ARHGAP42: variants seen among roughly 807,000 people sequenced by gnomAD.
ARHGAP42 encodes the protein Rho GTPase activating protein 42.
A neutral mutation model predicts 125.0 loss-of-function variants in ARHGAP42; 63 were observed. The ratio of observed to expected loss-of-function variants is 0.50; its 90% CI spans 0.41 to 0.62. The LOEUF (loss-of-function observed/expected upper bound fraction) is 0.62. ARHGAP42 is among the 20% of genes least tolerant of loss of function. The probability of loss-of-function intolerance (pLI) is 0.00; values close to 1 mark genes in which losing one functional copy is unlikely to be tolerated. For missense variants in ARHGAP42, 766 were observed against 1,024.2 expected (o/e 0.75, Z 3.44); for synonymous variants, 339 against 351.0 (o/e 0.97, Z 0.38).
intron 1 of ARHGAP42, among the ~76,000 whole-genome samples, chr11:100,699,231 T>C (rs1000711116): frequency 4.6e-5 from 7 of 151,920 alleles, no homozygotes; most frequent in African/African-American, 1.7e-4. Flanking sequence ...AATAAGTTTT[T>C]CTTTTCCTCC....
At chr11:100,911,908 T>TC in intron 4 of ARHGAP42, among the ~76,000 whole-genome samples, 1 of 152,232 alleles carries the variant, frequency 6.6e-6, no homozygotes, top group Non-Finnish European at 1.5e-5. Flanking sequence ...TTTATTCCCT[T>TC]CCCCCCATTT....
At position 100,973,330 on chromosome 11, in the gene ARHGAP42, A is replaced by C; in HGVS notation, c.1706A>C (p.Glu569Ala). ...IVVEILIEHY[E>A]KIFHTAPDPS... is the part of the protein sequence containing the mutation. Reference sequence around the variant, plus strand: ...GTAGAAATTCTGATAGAGCACTATGAAAAGGTAGGCGGAATTTTCATGTGG... The same window carrying C: ...GTAGAAATTCTGATAGAGCACTATGCAAAGGTAGGCGGAATTTTCATGTGG... Residue 569 changes from glutamate to alanine, a missense_variant, in exon 18 of 24, where the codon GAA becomes GCA. This residue lies in a region of ARHGAP42 where 308 missense variants were observed against 369.7 expected (regional missense o/e 0.83). Coordinates refer to ENST00000298815, the MANE Select transcript of ARHGAP42 (RefSeq NM_152432.4). 1 of 1,548,714 alleles carries C rather than the reference A, an allele frequency of 6.5e-7. No homozygotes were observed. Among genetic ancestry groups the C allele is most frequent in the Non-Finnish European group, 8.7e-7 (1 of 1,146,088 alleles).
At chr11:100,876,902 G>A (rs889188341) in intron 4 of ARHGAP42, among the ~76,000 whole-genome samples, 7 of 152,126 alleles carry the variant, frequency 4.6e-5, no homozygotes, top group African/African-American at 1.4e-4. Flanking sequence ...GCTCTCCAGA[G>A]ACCATGCAAC....
chr11:100,688,977 C>T (rs1485124681), intron 1 of ARHGAP42, among the ~76,000 whole-genome samples: 2 of 152,122 alleles, frequency 1.3e-5, no homozygotes, highest in East Asian at 3.9e-4. Context: ...GCGCCTAAAA[C>T]TGAGACAATA....
intron 4 of ARHGAP42, among the ~76,000 whole-genome samples, chr11:100,871,671 A>C (rs2052991222): frequency 6.6e-6 from 1 of 152,242 alleles, no homozygotes; most frequent in South Asian, 2.1e-4. Flanking sequence ...TGTATTGAGC[A>C]CACGTTTGTC....
chr11:100,815,073 C>G (rs1014871480), intron 3 of ARHGAP42, among the ~76,000 whole-genome samples: 18 of 152,232 alleles, frequency 1.2e-4, no homozygotes, highest in Non-Finnish European at 2.5e-4. Context: ...CTTTATGGAA[C>G]TTACTATCTG....
intron 3 of ARHGAP42, among the ~76,000 whole-genome samples, chr11:100,854,421 C>T (rs1345725570): frequency 6.6e-6 from 1 of 152,088 alleles, no homozygotes; most frequent in South Asian, 2.1e-4. Context: ...AATGCTGAAG[C>T]AGCAAGTGAT....
At chr11:100,691,921 AATATAT>A (rs57260947) in intron 1 of ARHGAP42, among the ~76,000 whole-genome samples, 4,635 of 152,324 alleles carry the variant, frequency 0.03, 258 homozygotes, top group African/African-American at 0.11. Flanking sequence ...CAATGTATCA[AATATAT>A]ATAACATCAT....
intron 2 of ARHGAP42, among the ~76,000 whole-genome samples, chr11:100,792,923 T>C (rs906311244): frequency 6.6e-6 from 1 of 152,028 alleles, no homozygotes; most frequent in African/African-American, 2.4e-5. Context: ...CTGCTAATTT[T>C]TTTTGTATTT....
chr11:100,802,492 T>G (rs1442773342), intron 3 of ARHGAP42, among the ~76,000 whole-genome samples: 1 of 151,354 alleles, frequency 6.6e-6, no homozygotes, highest in Non-Finnish European at 1.5e-5. Flanking sequence ...TGGTGCGATC[T>G]TGACTCACTG....
intron 1 of ARHGAP42, among the ~76,000 whole-genome samples, chr11:100,702,570 A>AC (rs1861414342): frequency 6.6e-6 from 1 of 151,610 alleles, no homozygotes; most frequent in South Asian, 2.1e-4. Context: ...GATTTGTAAA[A>AC]AAAAAAAAAA....
intron 7 of ARHGAP42, among the ~76,000 whole-genome samples, chr11:100,933,478 C>T (rs1867642014): frequency 6.6e-6 from 1 of 152,092 alleles, no homozygotes; most frequent in African/African-American, 2.4e-5. Flanking sequence ...ATCCAGTGTT[C>T]TTGTTAATTT....
intron 5 of ARHGAP42, among the ~76,000 whole-genome samples, chr11:100,916,025 G>T (rs1468734240): frequency 6.6e-6 from 1 of 152,150 alleles, no homozygotes; most frequent in Non-Finnish European, 1.5e-5. Context: ...GCTCCTCTGT[G>T]CCTTCCTACC....
chr11:100,865,753 TA>T lies in ARHGAP42; in HGVS notation c.384+6133del, dbSNP rs576329096. 2.5e-4 allele frequency among the ~76,000 whole-genome samples: 38 copies of T among 152,344 alleles called. No individual in the cohort carries two copies. In the South Asian group the frequency reaches 7.9e-3, roughly 32 times the overall value. ...CAACAAATCAATGTACATACCTTAT[TA>T]AAAATATTTTATTACTAAAATAGGC... is the stretch of plus-strand genomic sequence containing the variant. On this transcript the variant is annotated intron_variant, in intron 4 of 23. Transcript: ENST00000298815.
chr11:100,762,576 T>C (rs1314293326), intron 1 of ARHGAP42, among the ~76,000 whole-genome samples: 2 of 152,220 alleles, frequency 1.3e-5, no homozygotes, highest in African/African-American at 2.4e-5. Context: ...GAAGACCGAT[T>C]TTTAATATCA....
At chr11:100,980,556 C>CT (rs1565305665) in intron 22 of ARHGAP42, among the ~76,000 whole-genome samples, 1 of 23,542 alleles carries the variant, frequency 4.2e-5, no homozygotes, top group Non-Finnish European at 7.4e-5. Context: ...TCTTTTTCTT[C>CT]TTCTTTTTTT....
chr11:100,861,121 C>T (rs1482425073), intron 4 of ARHGAP42, among the ~76,000 whole-genome samples: 2 of 152,094 alleles, frequency 1.3e-5, no homozygotes, highest in Admixed American at 1.3e-4. Context: ...CAACAAATGT[C>T]TTCTGCAAGA....
intron 4 of ARHGAP42, among the ~76,000 whole-genome samples, chr11:100,898,086 C>G (rs1343374064): frequency 6.6e-6 from 1 of 152,160 alleles, no homozygotes; most frequent in Non-Finnish European, 1.5e-5. Context: ...TTTTCTGCAT[C>G]TATGGAGATA....
chr11:100,833,277 A>G (rs1403054136), intron 3 of ARHGAP42, among the ~76,000 whole-genome samples: 3 of 152,202 alleles, frequency 2.0e-5, no homozygotes, highest in African/African-American at 7.2e-5. Context: ...AGAGAATGCT[A>G]CTTTGTTCAT....
Sources: gnomAD v4.1 joint callset for allele counts (sites outside exome capture counted in the v4.1 genomes callset) on GRCh38, gnomAD v4.1.1 for gene constraint, gnomAD v4.1.1 regional missense constraint, MANE v1.5 for transcripts, NCBI Gene and HGNC (gene_info 2026-07-23, HGNC 2026-07-21) for gene names.